The following FAXC variants were observed in gnomAD, a reference collection of about 807,000 sequenced individuals.
FAXC encodes the protein failed axon connections homolog.
A neutral mutation model predicts 41.9 loss-of-function variants in FAXC; 10 were observed. The ratio of observed to expected loss-of-function variants is 0.24; its 90% CI spans 0.15 to 0.41. The LOEUF (loss-of-function observed/expected upper bound fraction) is 0.41. FAXC is among the 10% of genes least tolerant of loss of function. FAXC has a pLI of 1.00. For synonymous variants in FAXC, 183 were observed against 183.8 expected, an observed-to-expected ratio of 1.00 and a Z score of 0.03; for missense variants, 399 against 510.9, an observed-to-expected ratio of 0.78 and a Z score of 2.11.
Position 99,272,627 on chromosome 6 carries a change from G to A in FAXC, c.*8537C>T, listed in dbSNP as rs994482086. Reference sequence around the variant, plus strand: ...TTCGTAACACTCTGAGGCACACTGGGCATGAAATAAAAGCAGGAGAGGATG... The same window carrying A: ...TTCGTAACACTCTGAGGCACACTGGACATGAAATAAAAGCAGGAGAGGATG... On this transcript the variant is annotated 3_prime_UTR_variant, in exon 6 of 6. Transcript: ENST00000389677. 7.9e-5 allele frequency: 12 copies of A among 152,170 alleles called. No homozygotes were observed. The highest frequency in any genetic ancestry group is 2.2e-4 in the African/African-American group (9 of 41,434). The allele number at this position is 152,170 out of a possible 1,614,324, so 9.4% of individuals were successfully genotyped here.
At chr6:99,283,702 A>G (rs569725552) in intron 5 of FAXC, among the ~76,000 whole-genome samples, 1 of 152,330 alleles carries the variant, frequency 6.6e-6, no homozygotes, top group African/African-American at 2.4e-5. Context: ...TATTGCTGCC[A>G]ATCCCAGGGG....
intron 4 of FAXC, among the ~76,000 whole-genome samples, chr6:99,322,480 TA>T (rs1226197206): frequency 6.6e-6 from 1 of 152,130 alleles, no homozygotes; most frequent in African/African-American, 2.4e-5. Context: ...GTGAGGTACT[TA>T]ATGTGCTCTA....
intron 4 of FAXC, among the ~76,000 whole-genome samples, chr6:99,309,282 T>C (rs1417419042): frequency 6.6e-6 from 1 of 152,186 alleles, no homozygotes; most frequent in Non-Finnish European, 1.5e-5. Context: ...CAAAGTCGCT[T>C]TTCTCAGAGG....
chr6:99,344,376 G>C (rs11751867), intron 1 of FAXC, among the ~76,000 whole-genome samples: 76,624 of 151,826 alleles, frequency 0.5, 19,652 homozygotes, highest in East Asian at 0.6. Context: ...CCTTGGCCCT[G>C]CCTGAGCCTC....
At chr6:99,349,855 C>A (rs544961416), upstream of FAXC, among the ~76,000 whole-genome samples, 2 of 152,024 alleles carry the variant, frequency 1.3e-5, no homozygotes, top group African/African-American at 2.4e-5. Context: ...AACCGCTCGC[C>A]GCGCGCGGGC....
intron 5 of FAXC, among the ~76,000 whole-genome samples, chr6:99,287,103 G>A (rs542161366): frequency 6.6e-6 from 1 of 151,976 alleles, no homozygotes; most frequent in Non-Finnish European, 1.5e-5. Context: ...CAACCCACAA[G>A]TCCAGAAATA....
Position 99,280,919 on chromosome 6 carries a change from A to T in FAXC, c.*245T>A. The T allele has an allele frequency of 2.3e-6, 1 of 428,604 alleles. No homozygotes were observed. The highest frequency in any genetic ancestry group is 4.2e-6 in the Non-Finnish European group (1 of 236,510). 26.6% of individuals were successfully genotyped at this position (428,604 alleles called of 1,614,324 possible). A position where few individuals can be genotyped will look rare whatever the true frequency, so the allele number is the denominator to read the frequency against. ...TATTATTAATAGTTTTCTAATGAAA[A>T]CAAAAATGGATTTCAGGAACCATGC... On this transcript the variant is annotated 3_prime_UTR_variant, in exon 6 of 6. Transcript: ENST00000389677.
intron 5 of FAXC, among the ~76,000 whole-genome samples, chr6:99,284,510 G>A (rs1457081046): frequency 6.6e-6 from 1 of 151,588 alleles, no homozygotes; most frequent in Non-Finnish European, 1.5e-5. Flanking sequence ...CATGCTACTG[G>A]ACAAAAGAAC....
chr6:99,325,385 C>A (rs540158564), intron 3 of FAXC, among the ~76,000 whole-genome samples: 1 of 152,318 alleles, frequency 6.6e-6, no homozygotes, highest in South Asian at 2.1e-4. Context: ...CTGTTCTTGG[C>A]TACCTTTTTA....
In FAXC at chr6:99,279,371, T is replaced by C. The variant is rs1411080208; in HGVS notation, c.*1793A>G. The C allele has an allele frequency of 6.6e-6, 1 of 152,188 alleles. No individual in the cohort carries two copies. The highest frequency in any genetic ancestry group is 1.5e-5 in the Non-Finnish European group (1 of 68,042). The allele number at this position is 152,188 out of a possible 1,614,324, so 9.4% of individuals were successfully genotyped here. A position where few individuals can be genotyped will look rare whatever the true frequency, so the allele number is the denominator to read the frequency against. ...ATGCCCTACACAATTGCTTAAGTGG[T>C]AAGCAGTCTGAAAAACTCTCCTCCC... On this transcript the variant is annotated 3_prime_UTR_variant, in exon 6 of 6. Transcript: ENST00000389677.
intron 4 of FAXC, among the ~76,000 whole-genome samples, chr6:99,304,333 A>G (rs1039347084): frequency 6.6e-6 from 1 of 152,046 alleles, no homozygotes; most frequent in African/African-American, 2.4e-5. Context: ...AACACTGTCC[A>G]CAAGGAAACC....
rs1770610060 is a variant in FAXC at position 99,276,196 on chromosome 6, T to C, written c.*4968A>G. On this transcript the variant is annotated 3_prime_UTR_variant, in exon 6 of 6. Coordinates refer to ENST00000389677, the MANE Select transcript of FAXC (RefSeq NM_032511.4). ...AAAGAAAGAAGAATAACCTGAGTTG[T>C]TCCCTATCAACAAAAGCCACCAACC... 1 of 151,880 alleles carries C rather than the reference T, an allele frequency of 6.6e-6. No individual in the cohort carries two copies. Among genetic ancestry groups the C allele is most frequent in the Non-Finnish European group, 1.5e-5 (1 of 67,994 alleles). The allele number at this position is 151,880 out of a possible 1,614,324, so 9.4% of individuals were successfully genotyped here.
chr6:99,297,814 A>C (rs919094543), intron 4 of FAXC, among the ~76,000 whole-genome samples: 13 of 152,260 alleles, frequency 8.5e-5, no homozygotes, highest in Non-Finnish European at 1.3e-4. Context: ...ACTCAGACCA[A>C]GTCCTACCTC....
rs190777350 is a variant in FAXC at position 99,313,627 on chromosome 6, C to T, written c.823+9817G>A. ...CCATGTTTAGAAAAACTTTCCTAAG[C>T]TCAACATTCTATAAGTTTCCCATAT... On this transcript the variant is annotated intron_variant, in intron 4 of 5. Transcript: ENST00000389677. 1.6e-3 allele frequency among the ~76,000 whole-genome samples: 243 copies of T among 152,280 alleles called. 2 individuals are homozygous for T. Among genetic ancestry groups the T allele is most frequent in the African/African-American group, 5.6e-3 (231 of 41,552 alleles).
chr6:99,297,926 C>T (rs561208022), intron 4 of FAXC, among the ~76,000 whole-genome samples: 82 of 152,294 alleles, frequency 5.4e-4, no homozygotes, highest in South Asian at 1.0e-3. Context: ...TAGAGCGAGG[C>T]TACTGAGAGA....
chr6:99,320,882 C>T (rs886377990), intron 4 of FAXC, among the ~76,000 whole-genome samples: 7 of 152,224 alleles, frequency 4.6e-5, no homozygotes, highest in African/African-American at 9.7e-5. Flanking sequence ...ACCAAGTACA[C>T]GTCTCTGTCG....
intron 2 of FAXC, 89 bp from the exon 3 acceptor site, chr6:99,333,636 T>A: frequency 9.1e-7 from 1 of 1,102,386 alleles, no homozygotes. Context: ...TCCAACCTTA[T>A]GTTTGATAGT....
At chr6:99,322,249 G>A (rs1342901524) in intron 4 of FAXC, among the ~76,000 whole-genome samples, 1 of 152,180 alleles carries the variant, frequency 6.6e-6, no homozygotes, top group Non-Finnish European at 1.5e-5. Context: ...GCCAAGAGCT[G>A]GATGTGGTAC....
chr6:99,289,719 G>A (rs62423984), intron 5 of FAXC, among the ~76,000 whole-genome samples: 9,070 of 124,812 alleles, frequency 0.073, 302 homozygotes, highest in African/African-American at 0.088. Flanking sequence ...GTGTGTGTGT[G>A]TATATATATA....
Sources: allele counts gnomAD v4.1 joint callset (sites outside exome capture counted in the v4.1 genomes callset), GRCh38; gene constraint gnomAD v4.1.1; transcripts MANE v1.5; gene names NCBI Gene and HGNC (gene_info 2026-07-23, HGNC 2026-07-21).